The following BCKDHB variants were observed in gnomAD, a reference collection of about 807,000 sequenced individuals.
BCKDHB encodes the protein 2-oxoisovalerate dehydrogenase subunit beta, mitochondrial.
In BCKDHB, 41 loss-of-function variants were observed where a neutral mutation model predicts 48.5. That is an observed-to-expected ratio of 0.85 (90% CI 0.66 to 1.10). The LOEUF (loss-of-function observed/expected upper bound fraction) is 1.10, where lower values mean the gene tolerates loss of function less well. BCKDHB is among the 50% of genes least tolerant of loss of function. The probability of loss-of-function intolerance (pLI) is 0.00; values close to 1 mark genes in which losing one functional copy is unlikely to be tolerated. For missense variants in BCKDHB, 496 were observed against 494.2 expected (o/e 1.00, Z -0.03); for synonymous variants, 201 against 174.8 (o/e 1.15, Z -1.18).
chr6:80,369,626 A>G, the BCKDHB span, among the ~76,000 whole-genome samples: 1 of 152,210 alleles, frequency 6.6e-6, no homozygotes, highest in Non-Finnish European at 1.5e-5. Flanking sequence ...ACTATGGTTC[A>G]TCTAGTCACT....
At position 80,145,540 on chromosome 6, in the gene BCKDHB, A is replaced by G. The variant is rs186251514; in HGVS notation, c.343+16311A>G. On this transcript the variant is annotated intron_variant, in intron 3 of 9. Transcript: ENST00000320393. ...ATGGTTCTTTAAGCTGCTCTTATAG[A>G]TATTTTGGAGCTTCTGCTGCCTGGC... is the stretch of plus-strand genomic sequence containing the variant. 6.6e-5 allele frequency among the ~76,000 whole-genome samples: 10 copies of G among 152,256 alleles called. No homozygotes were observed. The East Asian group carries it at 1.9e-3, about 29-fold the overall frequency.
intron 8 of BCKDHB, among the ~76,000 whole-genome samples, chr6:80,257,951 G>C (rs1777127274): frequency 6.6e-6 from 1 of 151,764 alleles, no homozygotes; most frequent in South Asian, 2.1e-4. Flanking sequence ...TTAACTATTT[G>C]ACACCTCAAA....
At chr6:80,465,022 G>GT in the BCKDHB span, among the ~76,000 whole-genome samples, 105 of 152,220 alleles carry the variant, frequency 6.9e-4, no homozygotes, top group Non-Finnish European at 1.2e-3. Flanking sequence ...AGCTGCCCAG[G>GT]TTTTTTTCCC....
the BCKDHB span, among the ~76,000 whole-genome samples, chr6:80,418,643 G>T: frequency 1.3e-5 from 2 of 152,178 alleles, no homozygotes; most frequent in Non-Finnish European, 2.9e-5. Flanking sequence ...GCTCCTTGAG[G>T]TTAGGAATCC....
intron 3 of BCKDHB, among the ~76,000 whole-genome samples, chr6:80,147,624 C>G (rs1163509960): frequency 2.6e-5 from 4 of 152,068 alleles, no homozygotes; most frequent in Non-Finnish European, 5.9e-5. Context: ...TGAGATGATG[C>G]CTGAGTCCAG....
At chr6:80,386,607 G>A in the BCKDHB span, among the ~76,000 whole-genome samples, 1 of 152,116 alleles carries the variant, frequency 6.6e-6, no homozygotes, top group Non-Finnish European at 1.5e-5. Flanking sequence ...GATGTGGCAG[G>A]GGCCAAGTGG....
At chr6:80,318,085 G>C (rs1459666279) in intron 9 of BCKDHB, among the ~76,000 whole-genome samples, 1 of 152,102 alleles carries the variant, frequency 6.6e-6, no homozygotes, top group East Asian at 1.9e-4. Flanking sequence ...GTGGGTGTTT[G>C]GGTAATAATC....
At chr6:80,148,735 A>G (rs1372663682) in intron 3 of BCKDHB, among the ~76,000 whole-genome samples, 10 of 152,190 alleles carry the variant, frequency 6.6e-5, no homozygotes, top group Non-Finnish European at 1.2e-4. Flanking sequence ...TCCCTATTTA[A>G]TAAATGGTGC....
the BCKDHB span, among the ~76,000 whole-genome samples, chr6:80,448,579 G>A: frequency 2.0e-5 from 3 of 151,606 alleles, no homozygotes; most frequent in Non-Finnish European, 4.4e-5. Flanking sequence ...GGACAAGGGG[G>A]AAAAAAGGAT....
the BCKDHB span, among the ~76,000 whole-genome samples, chr6:80,438,559 C>T: frequency 1.3e-5 from 2 of 152,158 alleles, no homozygotes; most frequent in African/African-American, 4.8e-5. Context: ...TTACATTTCA[C>T]ACTATGAAAT....
the BCKDHB span, among the ~76,000 whole-genome samples, chr6:80,418,217 G>C: frequency 6.6e-6 from 1 of 151,974 alleles, no homozygotes; most frequent in Non-Finnish European, 1.5e-5. Context: ...AGCTTCCTTG[G>C]ATCTGGTTTC....
At position 80,261,498 on chromosome 6, in the gene BCKDHB, C is replaced by T. The variant is rs560705497; in HGVS notation, c.952-11637C>T. ...ATTTGCAGCTGAGGCCAATTTATCCCTACTCATTCACTCAGCAAATAGTTT... is the reference window on the plus strand; with the variant it reads ...ATTTGCAGCTGAGGCCAATTTATCCTTACTCATTCACTCAGCAAATAGTTT... On this transcript the variant is annotated intron_variant, in intron 8 of 9. Transcript: ENST00000320393. 3.3e-5 allele frequency among the ~76,000 whole-genome samples: 5 copies of T among 152,144 alleles called. No individual in the cohort carries two copies. In the East Asian group the frequency reaches 9.8e-4, roughly 30 times the overall value.
chr6:80,151,395 ATAT>A (rs777495607), intron 3 of BCKDHB, among the ~76,000 whole-genome samples: 50 of 151,778 alleles, frequency 3.3e-4, no homozygotes, highest in African/African-American at 1.0e-3. Flanking sequence ...GAATATAATG[ATAT>A]TATTTAATTT....
At chr6:80,136,724 G>T (rs1770905273) in intron 3 of BCKDHB, among the ~76,000 whole-genome samples, 1 of 151,840 alleles carries the variant, frequency 6.6e-6, no homozygotes. Context: ...TTAATATCCA[G>T]AATATATGGA....
chr6:80,206,188 A>G (rs1774649821), intron 8 of BCKDHB, among the ~76,000 whole-genome samples: 1 of 152,090 alleles, frequency 6.6e-6, no homozygotes, highest in Non-Finnish European at 1.5e-5. Flanking sequence ...AGGTCTTACA[A>G]TTAGAGGCAA....
intron 9 of BCKDHB, among the ~76,000 whole-genome samples, chr6:80,320,574 T>C (rs1194700226): frequency 6.6e-6 from 1 of 152,140 alleles, no homozygotes; most frequent in Non-Finnish European, 1.5e-5. Context: ...GTATCCAGAG[T>C]TCACAATTCA....
chr6:80,358,951 T>C, the BCKDHB span, among the ~76,000 whole-genome samples: 1 of 152,206 alleles, frequency 6.6e-6, no homozygotes, highest in Non-Finnish European at 1.5e-5. Flanking sequence ...CCTTCATTTC[T>C]GAATAATGAG....
At chr6:80,349,547 A>G (rs144388099), downstream of BCKDHB, among the ~76,000 whole-genome samples, 93 of 152,382 alleles carry the variant, frequency 6.1e-4, no homozygotes, top group African/African-American at 2.2e-3. Context: ...ACAAAATCCA[A>G]TTAAAAGCTG....
intron 6 of BCKDHB, among the ~76,000 whole-genome samples, chr6:80,188,256 T>G (rs1343164714): frequency 6.6e-6 from 1 of 152,050 alleles, no homozygotes; most frequent in Admixed American, 6.6e-5. Context: ...AACTAACACA[T>G]GAACACAAAA....
Sources: gnomAD v4.1 joint callset for allele counts (sites outside exome capture counted in the v4.1 genomes callset) on GRCh38, gnomAD v4.1.1 for gene constraint, MANE v1.5 for transcripts, NCBI Gene and HGNC (gene_info 2026-07-23, HGNC 2026-07-21) for gene names.